Variants in HMGN3 observed in about 807,000 individuals in gnomAD.
HMGN3 encodes high mobility group nucleosomal binding domain 3.
Under a neutral mutation model 18.8 loss-of-function variants are expected in HMGN3, and 6 were observed. That is an observed-to-expected ratio of 0.32 (90% CI 0.18 to 0.63). The LOEUF (loss-of-function observed/expected upper bound fraction) is 0.63. HMGN3 is among the 30% of genes least tolerant of loss of function. The pLI, the probability that HMGN3 is intolerant of heterozygous loss-of-function variation, is 0.79. For missense variants in HMGN3, 107 were observed against 114.2 expected, an observed-to-expected ratio of 0.94 and a Z score of 0.29; for synonymous variants, 40 against 36.5, an observed-to-expected ratio of 1.10 and a Z score of -0.35.
intron 3 of HMGN3, among the ~76,000 whole-genome samples, chr6:79,208,324 T>C (rs978089650): frequency 6.6e-6 from 1 of 152,226 alleles, no homozygotes; most frequent in African/African-American, 2.4e-5. Flanking sequence ...TCCTGCTTTA[T>C]ATTCTTCGTT....
chr6:79,229,043 A>G (rs1261495890), intron 1 of HMGN3, among the ~76,000 whole-genome samples: 1 of 152,252 alleles, frequency 6.6e-6, no homozygotes, highest in African/African-American at 2.4e-5. Context: ...TTCTACAAGC[A>G]ATAAAATGAA....
chr6:79,221,322 C>T (rs547597285), intron 1 of HMGN3, among the ~76,000 whole-genome samples: 1 of 152,160 alleles, frequency 6.6e-6, no homozygotes, highest in African/African-American at 2.4e-5. Context: ...TCGAGATGGG[C>T]AGAGGGAGTG....
chr6:79,202,316 C>G (rs866063539), exon 5 of HMGN3: 2 of 1,613,976 alleles, frequency 1.2e-6, no homozygotes, highest in Middle Eastern at 1.6e-4. Flanking sequence ...TGGTGCAGTA[C>G]CTTCCTTTCC....
rs117950730 is a variant in HMGN3 at position 79,218,850 on chromosome 6, A to G, written c.16-3828T>C. ...TAGAAATTTTGAAGCTAATAAAAGC[A>G]GGCTCATTGAAATAAAAAACTCAAA... On this transcript the variant is annotated intron_variant, in intron 1 of 5. Coordinates refer to ENST00000344726, the Ensembl canonical transcript of HMGN3. Among the ~76,000 whole-genome samples the G allele has an allele frequency of 2.6e-3, 393 of 152,364 alleles. 3 individuals carry two copies. Among genetic ancestry groups the G allele is most frequent in the Middle Eastern group, 0.017 (5 of 294 alleles).
intron 3 of HMGN3, among the ~76,000 whole-genome samples, chr6:79,205,704 A>G (rs1776391508): frequency 6.6e-6 from 1 of 152,262 alleles, no homozygotes; most frequent in South Asian, 2.1e-4. Flanking sequence ...AAGTGACTTT[A>G]GAACTGGGTA....
intron 2 of HMGN3, among the ~76,000 whole-genome samples, chr6:79,213,792 C>T (rs989885835): frequency 1.6e-4 from 24 of 152,160 alleles, no homozygotes; most frequent in Non-Finnish European, 2.5e-4. Context: ...TTTGGTATCA[C>T]GATAAACTCC....
chr6:79,220,378 C>T (rs952806066), intron 1 of HMGN3, among the ~76,000 whole-genome samples: 1 of 152,202 alleles, frequency 6.6e-6, no homozygotes, highest in Non-Finnish European at 1.5e-5. Context: ...GTATACCCTT[C>T]CATTATAATG....
intron 1 of HMGN3, among the ~76,000 whole-genome samples, chr6:79,218,853 C>T (rs1458635511): frequency 6.6e-6 from 1 of 152,036 alleles, no homozygotes; most frequent in African/African-American, 2.4e-5. Flanking sequence ...TAAAAGCAGG[C>T]TCATTGAAAT....
intron 1 of HMGN3, among the ~76,000 whole-genome samples, chr6:79,216,824 C>T (rs1777010171): frequency 6.6e-6 from 1 of 152,182 alleles, no homozygotes; most frequent in Admixed American, 6.5e-5. Context: ...CTTCTGGCCA[C>T]ACAACAGACC....
chr6:79,217,475 G>C (rs998021124), intron 1 of HMGN3, among the ~76,000 whole-genome samples: 1 of 152,152 alleles, frequency 6.6e-6, no homozygotes, highest in Non-Finnish European at 1.5e-5. Flanking sequence ...TGAGATACTG[G>C]AGAAAGCATT....
exon 5 of HMGN3, chr6:79,202,361 C>T: frequency 1.2e-6 from 2 of 1,613,858 alleles, no homozygotes; most frequent in East Asian, 2.2e-5. Flanking sequence ...CCCTTTAGCA[C>T]CTCTGCTAAT....
exon 6 of HMGN3, chr6:79,201,292 G>C (rs1392920754): frequency 1.8e-5 from 3 of 170,806 alleles, no homozygotes; most frequent in African/African-American, 7.1e-5. Flanking sequence ...ATAGTCAGCA[G>C]GTGGCCACAA....
At chr6:79,232,845 T>A (rs1335536) in intron 1 of HMGN3, among the ~76,000 whole-genome samples, 2,999 of 152,262 alleles carry the variant, frequency 0.02, 102 homozygotes, top group African/African-American at 0.069. Context: ...AGTTCCTTTG[T>A]CTCTACTAGA....
intron 3 of HMGN3, among the ~76,000 whole-genome samples, chr6:79,207,246 G>A (rs1263707432): frequency 6.6e-6 from 1 of 152,088 alleles, no homozygotes; most frequent in Non-Finnish European, 1.5e-5. Flanking sequence ...GAATGATATG[G>A]TTTGGCTATG....
At chr6:79,207,689 C>T (rs1339711609) in intron 3 of HMGN3, among the ~76,000 whole-genome samples, 3 of 152,178 alleles carry the variant, frequency 2.0e-5, no homozygotes, top group Admixed American at 2.0e-4. Context: ...GGTCCTAATA[C>T]CCATTTTTGC....
At chr6:79,222,711 A>C (rs965541004) in intron 1 of HMGN3, among the ~76,000 whole-genome samples, 1 of 152,210 alleles carries the variant, frequency 6.6e-6, no homozygotes, top group Non-Finnish European at 1.5e-5. Flanking sequence ...AGGTCCCTTC[A>C]TGGGATTAAT....
intron 1 of HMGN3, among the ~76,000 whole-genome samples, chr6:79,224,977 T>A (rs1777495112): frequency 6.6e-6 from 1 of 152,194 alleles, no homozygotes; most frequent in Non-Finnish European, 1.5e-5. Flanking sequence ...AATTAAAAAT[T>A]GTAATTAAGG....
chr6:79,204,197 C>G (rs1328599229), intron 3 of HMGN3, among the ~76,000 whole-genome samples: 2 of 152,310 alleles, frequency 1.3e-5, no homozygotes, highest in East Asian at 3.9e-4. Context: ...GTGAGAATCT[C>G]TTGTCTAACC....
chr6:79,206,425 GC>G (rs1776423895), intron 3 of HMGN3, among the ~76,000 whole-genome samples: 1 of 152,170 alleles, frequency 6.6e-6, no homozygotes, highest in Non-Finnish European at 1.5e-5. Context: ...ACTAAAAGGG[GC>G]TAAGGTACAG....
Sources: allele counts gnomAD v4.1 joint callset (sites outside exome capture counted in the v4.1 genomes callset), GRCh38; gene constraint gnomAD v4.1.1; transcripts MANE v1.5; gene names NCBI Gene and HGNC (gene_info 2026-07-23, HGNC 2026-07-21).